TRIM67: variants seen among roughly 807,000 people sequenced by gnomAD.
TRIM67 encodes tripartite motif-containing protein 67.
In TRIM67, 39 loss-of-function variants were observed where a neutral mutation model predicts 71.0. The observed-to-expected ratio is 0.55, with a 90% CI of 0.43 to 0.72. The LOEUF is 0.72. Among genes scored for constraint, TRIM67 ranks in the 30% least tolerant of loss-of-function variants. The pLI is 0.00. For synonymous variants in TRIM67, 481 were observed against 473.9 expected, an observed-to-expected ratio of 1.01 and a Z score of -0.19; for missense variants, 973 against 1,079.2, an observed-to-expected ratio of 0.90 and a Z score of 1.38.
chr1:231,214,778 C>CAAAAA (rs748778482), intron 9 of TRIM67, among the ~76,000 whole-genome samples: 9 of 43,846 alleles, frequency 2.1e-4, no homozygotes, highest in Admixed American at 4.6e-4. Context: ...GACTTCATCT[C>CAAAAA]AAAAAAAAAA....
rs747952135 is a variant in TRIM67, at chr1:231,209,288, G to A, written c.2123+38G>A. ...CCCATCCTGCCTCCCGTGGACACAG[G>A]TTGTTTGGGAATGAGGGTCCTGAAG... On this transcript the variant is annotated intron_variant, in intron 8 of 9. Transcript: ENST00000366653. This position sits in a 1 kb window ranked among gnomAD's most constrained non-coding sequence, Gnocchi z 4.1. The A allele has an allele frequency of 2.7e-6, 4 of 1,501,614 alleles. No homozygotes were observed. Among genetic ancestry groups the A allele is most frequent in the Middle Eastern group, 1.8e-4 (1 of 5,512 alleles). The allele number at this position is 1,501,614 out of a possible 1,614,324, so 93.0% of individuals were successfully genotyped here.
At chr1:231,202,173 G>GAGGAGATGGAGGAGGAGC (rs1683563730) in intron 5 of TRIM67, among the ~76,000 whole-genome samples, 1 of 152,206 alleles carries the variant, frequency 6.6e-6, no homozygotes, top group Non-Finnish European at 1.5e-5. Context: ...GGTAGTGGAG[G>GAGGAGATGGAGGAGGAGC]AGGAGGTGGA....
intron 1 of TRIM67, among the ~76,000 whole-genome samples, chr1:231,194,458 G>A (rs116741462): frequency 0.01 from 1,567 of 152,232 alleles, 11 homozygotes; most frequent in African/African-American, 0.021. Flanking sequence ...TGTGAGGCTC[G>A]ACTGGGGAAG....
chr1:231,195,996 T>TGTGCCGGGTACTCTTCCA (rs1406607403), intron 1 of TRIM67, among the ~76,000 whole-genome samples: 1 of 152,226 alleles, frequency 6.6e-6, no homozygotes, highest in African/African-American at 2.4e-5. Flanking sequence ...AATGCCACCA[T>TGTGCCGGGTACTCTTCCA]GTGCCGGGTA....
At position 231,221,436 on chromosome 1, in the gene TRIM67, T is replaced by C. The variant is rs546782070; in HGVS notation, c.*5996T>C. 1.3e-5 allele frequency: 2 copies of C among 152,774 alleles called. No homozygotes were observed. Among genetic ancestry groups the C allele is most frequent in the South Asian group, 4.1e-4 (2 of 4,830 alleles). 9.5% of individuals were successfully genotyped at this position (152,774 alleles called of 1,614,324 possible). ...CCACAAGCGTTTGTATTTTTTGAATTGCAAACACTGTGTTTTCTGGTCTTT... is the reference window on the plus strand; with the variant it reads ...CCACAAGCGTTTGTATTTTTTGAATCGCAAACACTGTGTTTTCTGGTCTTT... On this transcript the variant is annotated 3_prime_UTR_variant, in exon 10 of 10. Coordinates refer to ENST00000366653, the MANE Select transcript of TRIM67 (RefSeq NM_001004342.5).
intron 6 of TRIM67, among the ~76,000 whole-genome samples, chr1:231,204,757 A>G (rs1459141355): frequency 3.9e-5 from 6 of 152,222 alleles, no homozygotes; most frequent in Admixed American, 2.6e-4. Context: ...CTGCAATCAT[A>G]ACAACACTCG....
In TRIM67 at chr1:231,218,756, A is replaced by G. The variant is rs1454822590; in HGVS notation, c.*3316A>G. On this transcript the variant is annotated 3_prime_UTR_variant, in exon 10 of 10. Coordinates refer to ENST00000366653, the MANE Select transcript of TRIM67 (RefSeq NM_001004342.5). ...GTTGCAACAGCGCCCTAGGTGCCCT[A>G]TGGCCCACCAAGTTTGAGGAGGGTG... 1.0e-6 allele frequency: 1 copy of G among 985,246 alleles called. No homozygotes were observed. The highest frequency in any genetic ancestry group is 1.2e-6 in the Non-Finnish European group (1 of 829,958). 61.0% of individuals were successfully genotyped at this position (985,246 alleles called of 1,614,324 possible). A position where few individuals can be genotyped will look rare whatever the true frequency, so the allele number is the denominator to read the frequency against.
intron 1 of TRIM67, chr1:231,185,960 CAAGGG>C: frequency 2.5e-6 from 2 of 809,146 alleles, no homozygotes; most frequent in Non-Finnish European, 4.0e-6. Context: ...ACAGCCGGGA[CAAGGG>C]CTCATAACTA....
intron 1 of TRIM67, among the ~76,000 whole-genome samples, chr1:231,175,846 G>T (rs952797896): frequency 1.3e-5 from 2 of 152,202 alleles, no homozygotes; most frequent in Admixed American, 6.5e-5. Context: ...TGCCATTTGG[G>T]CCTCATGTGC....
At chr1:231,203,836 C>T (rs760841814) in intron 5 of TRIM67, 31 bp from the exon 6 acceptor site, 1 of 1,601,118 alleles carries the variant, frequency 6.2e-7, no homozygotes, top group Non-Finnish European at 8.5e-7. Context: ...GGAGGGCTTC[C>T]TGCGCTAACT....
At chr1:231,182,152 A>G (rs1317261662) in intron 1 of TRIM67, among the ~76,000 whole-genome samples, 2 of 152,330 alleles carry the variant, frequency 1.3e-5, no homozygotes, top group Non-Finnish European at 2.9e-5. Context: ...TCCTTGGTTC[A>G]TTTTAGAAAC....
intron 8 of TRIM67, among the ~76,000 whole-genome samples, chr1:231,211,563 G>A (rs143542563): frequency 6.6e-6 from 1 of 152,252 alleles, no homozygotes; most frequent in South Asian, 2.1e-4. Flanking sequence ...CCCACCTGCC[G>A]GATCCCGCCC....
At chr1:231,198,527 C>G (rs1683431144) in intron 2 of TRIM67, among the ~76,000 whole-genome samples, 1 of 152,214 alleles carries the variant, frequency 6.6e-6, no homozygotes. Context: ...GCTGGGATTA[C>G]AGGCATGTGC....
intron 1 of TRIM67, among the ~76,000 whole-genome samples, chr1:231,169,368 C>CTTTT (rs775082418): frequency 1.3e-3 from 107 of 81,644 alleles, no homozygotes; most frequent in Middle Eastern, 0.013. Flanking sequence ...ATTCTTTTCT[C>CTTTT]TTTTTTTTTT....
chr1:231,182,879 G>A (rs1682946094), intron 1 of TRIM67, among the ~76,000 whole-genome samples: 1 of 152,198 alleles, frequency 6.6e-6, no homozygotes, highest in Non-Finnish European at 1.5e-5. Context: ...GCTAATGACT[G>A]GAAGTCAGTT....
At chr1:231,200,083 C>G (rs1376368323) in intron 3 of TRIM67, 65 bp from the exon 4 acceptor site, 1 of 1,278,306 alleles carries the variant, frequency 7.8e-7, no homozygotes, top group Admixed American at 1.7e-5. Flanking sequence ...TTCTCTGACT[C>G]TTGCGGTGGC....
chr1:231,218,721 G>A lies in TRIM67; in HGVS notation c.*3281G>A, dbSNP rs1051930770. ...CCAGGCTGCATCTTCAGCCTGATAT[G>A]TACTTTGTAGTTGCAACAGCGCCCT... On this transcript the variant is annotated 3_prime_UTR_variant, in exon 10 of 10. Coordinates refer to ENST00000366653, the MANE Select transcript of TRIM67 (RefSeq NM_001004342.5). The A allele has an allele frequency of 1.0e-6, 1 of 985,336 alleles. No homozygotes were observed. Among genetic ancestry groups the A allele is most frequent in the African/African-American group, 1.7e-5 (1 of 57,240 alleles). 61.0% of individuals were successfully genotyped at this position (985,336 alleles called of 1,614,324 possible).
intron 1 of TRIM67, chr1:231,187,408 T>C (rs1044610911): frequency 3.0e-6 from 3 of 1,013,020 alleles, no homozygotes; most frequent in East Asian, 2.8e-5. Flanking sequence ...TTTTAAAAAA[T>C]GAGTCATTTA....
At chr1:231,167,639 G>GAGAT (rs1682511081) in intron 1 of TRIM67, among the ~76,000 whole-genome samples, 1 of 150,462 alleles carries the variant, frequency 6.6e-6, no homozygotes, top group Non-Finnish European at 1.5e-5. Flanking sequence ...TTTTTTTTAA[G>GAGAT]AGATAGGGTC....
Sources: allele counts gnomAD v4.1 joint callset (sites outside exome capture counted in the v4.1 genomes callset), GRCh38; gene constraint gnomAD v4.1.1; non-coding constraint Gnocchi (gnomAD v3.1); transcripts MANE v1.5; gene names NCBI Gene and HGNC (gene_info 2026-07-23, HGNC 2026-07-21).